ZNF385D: variants seen among roughly 807,000 people sequenced by gnomAD.
ZNF385D encodes the protein zinc finger protein 385D.
In ZNF385D, 15 loss-of-function variants were observed where a neutral mutation model predicts 35.8. The observed-to-expected ratio is 0.42, with a 90% CI of 0.28 to 0.64. The LOEUF is 0.64. Among genes scored for constraint, ZNF385D ranks in the 30% least tolerant of loss-of-function variants. ZNF385D has a pLI of 0.23. For missense variants in ZNF385D, 474 were observed against 494.6 expected (o/e 0.96, Z 0.39); for synonymous variants, 212 against 186.8 (o/e 1.13, Z -1.10).
intron 3 of ZNF385D, among the ~76,000 whole-genome samples, chr3:22,077,240 C>G (rs1015850712): frequency 6.6e-6 from 1 of 151,902 alleles, no homozygotes; most frequent in Non-Finnish European, 1.5e-5. Flanking sequence ...TATAATTGCA[C>G]TAAGCATAAA....
intron 3 of ZNF385D, among the ~76,000 whole-genome samples, chr3:21,964,454 A>AAAAT (rs1702780333): frequency 8.2e-6 from 1 of 122,516 alleles, no homozygotes; most frequent in Non-Finnish European, 1.8e-5. Flanking sequence ...AAAGAAAAAG[A>AAAAT]TGTCCAATTT....
At chr3:22,178,766 G>A (rs942136570) in intron 2 of ZNF385D, among the ~76,000 whole-genome samples, 16 of 152,144 alleles carry the variant, frequency 1.1e-4, no homozygotes, top group Admixed American at 3.3e-4. Flanking sequence ...TTTGTATAAC[G>A]TGTAAGGAAG....
At chr3:21,898,820 T>C (rs1012276315) in intron 3 of ZNF385D, among the ~76,000 whole-genome samples, 1 of 152,122 alleles carries the variant, frequency 6.6e-6, no homozygotes, top group African/African-American at 2.4e-5. Context: ...CAGCATCACA[T>C]TCATAAAGAT....
chr3:21,445,816 T>C (rs757492122), intron 4 of ZNF385D, among the ~76,000 whole-genome samples: 2 of 152,166 alleles, frequency 1.3e-5, no homozygotes, highest in Admixed American at 6.5e-5. Flanking sequence ...AAAATTGGCA[T>C]AGCAATAAAA....
chr3:21,992,391 T>A (rs574552728), intron 3 of ZNF385D, among the ~76,000 whole-genome samples: 63 of 152,234 alleles, frequency 4.1e-4, no homozygotes, highest in African/African-American at 1.5e-3. Flanking sequence ...TGACAGCAGC[T>A]GGAGGAGGTA....
intron 3 of ZNF385D, among the ~76,000 whole-genome samples, chr3:21,970,685 A>G (rs1585865): frequency 0.25 from 37,779 of 151,990 alleles, 5,146 homozygotes; most frequent in East Asian, 0.32. Context: ...AAACCTAGAG[A>G]AAAACATCAA....
intron 3 of ZNF385D, among the ~76,000 whole-genome samples, chr3:21,930,691 TTGACAA>T (rs1700963756): frequency 6.6e-6 from 1 of 152,160 alleles, no homozygotes; most frequent in African/African-American, 2.4e-5. Context: ...CAACTGATTT[TTGACAA>T]TGAAGCCAAG....
intron 3 of ZNF385D, among the ~76,000 whole-genome samples, chr3:22,149,569 G>A (rs1705091069): frequency 6.6e-6 from 1 of 152,140 alleles, no homozygotes; most frequent in African/African-American, 2.4e-5. Context: ...CAGGTACTCA[G>A]GTGATGCTGA....
rs1478560092 is a variant in ZNF385D at position 22,050,917 on chromosome 3, A to T, written c.325+117900T>A. On this transcript the variant is annotated intron_variant, in intron 3 of 5. Transcript: ENST00000494108. ...TTTGCTGAGGAGAGCTTTACTTCCA[A>T]CTATGTGGTCAATTTTGGAATAGGT... 7.9e-5 allele frequency among the ~76,000 whole-genome samples: 2 copies of T among 25,368 alleles called. 1 individual carries two copies. The highest frequency in any genetic ancestry group is 6.3e-3 in the East Asian group (2 of 316). 16.6% of individuals were successfully genotyped at this position (25,368 alleles called of 152,430 possible).
At chr3:22,120,526 A>G (rs1277246628) in intron 3 of ZNF385D, among the ~76,000 whole-genome samples, 1 of 152,100 alleles carries the variant, frequency 6.6e-6, no homozygotes, top group Non-Finnish European at 1.5e-5. Flanking sequence ...AAGAGACACA[A>G]TTCAACTCTT....
At chr3:21,533,938 G>A (rs954270155) in intron 3 of ZNF385D, among the ~76,000 whole-genome samples, 1 of 152,036 alleles carries the variant, frequency 6.6e-6, no homozygotes, top group African/African-American at 2.4e-5. Flanking sequence ...TTGTGTTTTA[G>A]AAAGATGGTA....
intron 3 of ZNF385D, among the ~76,000 whole-genome samples, chr3:22,088,154 C>G (rs997146291): frequency 1.3e-5 from 2 of 152,116 alleles, no homozygotes; most frequent in Non-Finnish European, 2.9e-5. Flanking sequence ...CAGATTTTCT[C>G]TGAAGCAGGA....
chr3:22,038,925 A>G (rs1279758257), intron 3 of ZNF385D, among the ~76,000 whole-genome samples: 2 of 150,038 alleles, frequency 1.3e-5, no homozygotes, highest in African/African-American at 4.9e-5. Flanking sequence ...TTATTATAAC[A>G]AAGTTATAAT....
At chr3:21,951,081 A>G (rs530109537) in intron 3 of ZNF385D, among the ~76,000 whole-genome samples, 1 of 151,858 alleles carries the variant, frequency 6.6e-6, no homozygotes, top group African/African-American at 2.4e-5. Flanking sequence ...AATTCTGTGA[A>G]GAAAGTCAAT....
chr3:21,692,100 T>C (rs1295647150), intron 1 of ZNF385D, among the ~76,000 whole-genome samples: 1 of 152,214 alleles, frequency 6.6e-6, no homozygotes, highest in Non-Finnish European at 1.5e-5. Context: ...ACTGCACATA[T>C]ATATTATAAT....
chr3:21,496,485 CAT>C (rs1328935145), intron 4 of ZNF385D, among the ~76,000 whole-genome samples: 1 of 139,118 alleles, frequency 7.2e-6, no homozygotes, highest in Admixed American at 7.5e-5. Flanking sequence ...CATATATACA[CAT>C]ATATTTGATA....
chr3:22,366,843 G>C (rs943089607), intron 2 of ZNF385D, among the ~76,000 whole-genome samples: 4 of 152,136 alleles, frequency 2.6e-5, no homozygotes, highest in African/African-American at 9.7e-5. Flanking sequence ...GAGAAACAAA[G>C]AGAGATCAGA....
intron 2 of ZNF385D, among the ~76,000 whole-genome samples, chr3:22,264,349 A>G (rs556272777): frequency 4.4e-4 from 67 of 152,178 alleles, no homozygotes; most frequent in Non-Finnish European, 7.5e-4. Context: ...GTCTTAGGGC[A>G]GAACGCCAAT....
At chr3:22,346,249 G>C (rs1225503066) in intron 2 of ZNF385D, among the ~76,000 whole-genome samples, 1 of 151,210 alleles carries the variant, frequency 6.6e-6, no homozygotes, top group Non-Finnish European at 1.5e-5. Context: ...CAAAGGAATA[G>C]ACGTTTTTCC....
Sources: gnomAD v4.1 joint callset for allele counts (sites outside exome capture counted in the v4.1 genomes callset) on GRCh38, gnomAD v4.1.1 for gene constraint, MANE v1.5 for transcripts, NCBI Gene and HGNC (gene_info 2026-07-23, HGNC 2026-07-21) for gene names.